FHIT: variants seen among roughly 807,000 people sequenced by gnomAD.
The protein encoded by FHIT is bis(5'-adenosyl)-triphosphatase.
FHIT carries 19 observed loss-of-function variants against 17.9 expected under a neutral mutation model. The observed-to-expected ratio is 1.06, with a 90% CI of 0.74 to 1.56. FHIT has a LOEUF of 1.56. FHIT is among the 40% of genes most tolerant of loss of function. The pLI is 0.00. For missense variants in FHIT, 248 were observed against 189.2 expected, an observed-to-expected ratio of 1.31 and a Z score of -1.82; for synonymous variants, 81 against 69.7, an observed-to-expected ratio of 1.16 and a Z score of -0.81.
intron 3 of FHIT, among the ~76,000 whole-genome samples, chr3:60,909,205 C>A (rs1399967978): frequency 1.3e-5 from 2 of 151,906 alleles, no homozygotes; most frequent in Non-Finnish European, 2.9e-5. Flanking sequence ...TCCGTCTCTA[C>A]TAAAAATGCA....
chr3:60,006,521 T>C (rs1575866577), intron 7 of FHIT, among the ~76,000 whole-genome samples: 1 of 152,086 alleles, frequency 6.6e-6, no homozygotes, highest in African/African-American at 2.4e-5. Flanking sequence ...GGATTTGAAC[T>C]GGGGTGGACT....
chr3:60,273,022 A>C (rs1228851449), intron 5 of FHIT, among the ~76,000 whole-genome samples: 1 of 152,214 alleles, frequency 6.6e-6, no homozygotes, highest in Non-Finnish European at 1.5e-5. Context: ...CTAACAAGGT[A>C]AACAATGGAT....
At chr3:61,015,448 A>T (rs1180276126) in intron 3 of FHIT, among the ~76,000 whole-genome samples, 1 of 152,184 alleles carries the variant, frequency 6.6e-6, no homozygotes, top group Non-Finnish European at 1.5e-5. Flanking sequence ...AAAATATTCT[A>T]TATCCTTTTG....
In FHIT at chr3:60,013,994, T is replaced by C. The variant is rs112732533; in HGVS notation, c.249+13A>G. 138 of 1,613,202 alleles carry C rather than the reference T, an allele frequency of 8.6e-5. No homozygotes were observed. In the African/African-American group the frequency reaches 1.6e-3, roughly 19 times the overall value. On this transcript the variant is annotated intron_variant, in intron 6 of 9. Coordinates refer to ENST00000492590, the MANE Select transcript of FHIT (RefSeq NM_002012.4). ...GGGAAGAAAAATCATTTCTGAGAAA[T>C]CTGTACACTCACCTGCATGGAAAAG...
At position 60,536,880 on chromosome 3, in the gene FHIT, C is replaced by T; in HGVS notation, c.83G>A (p.Arg28Lys). 6.2e-7 allele frequency: 1 copy of T among 1,608,772 alleles called. No homozygotes were observed. Among genetic ancestry groups the T allele is most frequent in the Non-Finnish European group, 8.5e-7 (1 of 1,177,902 alleles). Residue 28 changes from arginine to lysine, a missense_variant, in exon 5 of 10, where the codon AGG becomes AAG. Physicochemically the swap from Arg to Lys is conservative, Grantham distance 26 (BLOSUM62 2). Coordinates refer to ENST00000492590, the MANE Select transcript of FHIT (RefSeq NM_002012.4). The stretch of plus-strand genomic sequence containing the variant: ...GATACGTCCTGGTACCACAGGTTTC[C>T]TATTCACAAGAGCGAAGGACAGTTC... ...KTELSFALVN[R>K]KPVVPGHVLV...
At chr3:60,505,666 T>G (rs2034699195) in intron 5 of FHIT, among the ~76,000 whole-genome samples, 1 of 152,180 alleles carries the variant, frequency 6.6e-6, no homozygotes, top group African/African-American at 2.4e-5. Flanking sequence ...TACATATTAT[T>G]TGGGCTCTGT....
chr3:60,449,268 G>A lies in FHIT; in HGVS notation c.103+87592C>T, dbSNP rs563794574. Among the ~76,000 whole-genome samples the A allele has an allele frequency of 7.2e-5, 11 of 152,266 alleles. No homozygotes were observed. The South Asian group carries it at 2.3e-3, about 32-fold the overall frequency. On this transcript the variant is annotated intron_variant, in intron 5 of 9. Coordinates refer to ENST00000492590, the MANE Select transcript of FHIT (RefSeq NM_002012.4). Reference sequence around the variant, plus strand: ...TGCCCCGGTCTGTATGCAACATCTTGTTCTAGCCTTTTGTGCCGAAAAGCT... The same window carrying A: ...TGCCCCGGTCTGTATGCAACATCTTATTCTAGCCTTTTGTGCCGAAAAGCT...
intron 4 of FHIT, among the ~76,000 whole-genome samples, chr3:60,615,347 A>C (rs1553675442): frequency 6.6e-6 from 1 of 152,214 alleles, no homozygotes; most frequent in African/African-American, 2.4e-5. Flanking sequence ...CAGACATACC[A>C]GCTATGATCA....
chr3:60,056,867 CATCA>C (rs1425082570), intron 5 of FHIT, among the ~76,000 whole-genome samples: 4 of 152,194 alleles, frequency 2.6e-5, no homozygotes, highest in African/African-American at 4.8e-5. Flanking sequence ...CCTTTCATGA[CATCA>C]ATCAGATCCC....
intron 8 of FHIT, among the ~76,000 whole-genome samples, chr3:59,881,361 A>G (rs1311625247): frequency 1.3e-5 from 2 of 152,188 alleles, no homozygotes; most frequent in African/African-American, 2.4e-5. Flanking sequence ...GAATTTGTGA[A>G]TAAAAATGTC....
chr3:60,114,021 AAAAAAAAAAAAAAAAATATATATATAT>A (rs1184914568), intron 5 of FHIT, among the ~76,000 whole-genome samples: 3 of 32,018 alleles, frequency 9.4e-5, no homozygotes, highest in African/African-American at 2.5e-4. Flanking sequence ...AAAAAAAAAA[AAAAAAAAAAAAAAAAATATATATATAT>A]ATATATATAT....
intron 5 of FHIT, among the ~76,000 whole-genome samples, chr3:60,363,858 C>T (rs530361748): frequency 1.3e-4 from 20 of 152,150 alleles, no homozygotes; most frequent in Non-Finnish European, 2.1e-4. Flanking sequence ...CTTGGTCCTT[C>T]CTGGAAGGTC....
chr3:60,114,488 CCT>C (rs1481578606), intron 5 of FHIT, among the ~76,000 whole-genome samples: 4 of 59,486 alleles, frequency 6.7e-5, no homozygotes, highest in Non-Finnish European at 8.7e-5. Flanking sequence ...CAAGAGAAAT[CCT>C]TTTTTTTTTT....
intron 1 of FHIT, among the ~76,000 whole-genome samples, chr3:61,250,433 T>C (rs1359077187): frequency 6.6e-5 from 10 of 152,094 alleles, no homozygotes; most frequent in Admixed American, 5.9e-4. Context: ...ATAATAGCAG[T>C]AAATCTGCAA....
At chr3:60,519,826 T>A (rs374429819) in intron 5 of FHIT, among the ~76,000 whole-genome samples, 30 of 151,474 alleles carry the variant, frequency 2.0e-4, no homozygotes, top group African/African-American at 7.1e-4. Flanking sequence ...TATTCCAGGT[T>A]TATGGTATGC....
intron 1 of FHIT, among the ~76,000 whole-genome samples, chr3:61,208,262 G>A (rs1271964115): frequency 6.6e-6 from 1 of 151,962 alleles, no homozygotes; most frequent in Admixed American, 6.6e-5. Flanking sequence ...GAATAGGTGT[G>A]GTGTGGTGCT....
chr3:60,132,500 G>T (rs1300095272), intron 5 of FHIT, among the ~76,000 whole-genome samples: 1 of 152,258 alleles, frequency 6.6e-6, no homozygotes, highest in East Asian at 1.9e-4. Context: ...CATTACTACA[G>T]GCCCTTGATA....
chr3:60,566,322 G>A (rs1245146037), intron 4 of FHIT, among the ~76,000 whole-genome samples: 3 of 152,012 alleles, frequency 2.0e-5, no homozygotes, highest in South Asian at 2.1e-4. Flanking sequence ...ATCAATAAAC[G>A]TAATCCAGCA....
chr3:60,224,149 G>C (rs547434835), intron 5 of FHIT, among the ~76,000 whole-genome samples: 1 of 151,886 alleles, frequency 6.6e-6, no homozygotes, highest in African/African-American at 2.4e-5. Context: ...AAACAAAAAC[G>C]AGCAAACCTC....
Sources: allele counts gnomAD v4.1 joint callset (sites outside exome capture counted in the v4.1 genomes callset), GRCh38; gene constraint gnomAD v4.1.1; transcripts MANE v1.5; gene names NCBI Gene and HGNC (gene_info 2026-07-23, HGNC 2026-07-21).